The following AGBL4 variants were observed in gnomAD, a reference collection of about 807,000 sequenced individuals.
AGBL4 encodes the protein cytosolic carboxypeptidase 6.
In AGBL4, 58 loss-of-function variants were observed where a neutral mutation model predicts 66.4. The observed-to-expected ratio is 0.87, with a 90% CI of 0.71 to 1.09. The LOEUF (loss-of-function observed/expected upper bound fraction) is 1.09, where lower values mean the gene tolerates loss of function less well. AGBL4 is among the 50% of genes least tolerant of loss of function. The probability of loss-of-function intolerance (pLI) is 0.00; values close to 1 mark genes in which losing one functional copy is unlikely to be tolerated. For synonymous variants in AGBL4, 234 were observed against 222.9 expected (o/e 1.05, Z -0.44); for missense variants, 579 against 631.0 (o/e 0.92, Z 0.88).
At chr1:48,696,337 T>A (rs1477880575) in intron 6 of AGBL4, among the ~76,000 whole-genome samples, 2 of 152,232 alleles carry the variant, frequency 1.3e-5, no homozygotes, top group African/African-American at 4.8e-5. Context: ...AGGATCCACA[T>A]CATCGAGCTG....
rs369978988 is a variant in AGBL4, at chr1:49,705,298, G to A, written c.158-7861C>T. ...TTTTGTATCCTGTGACTTTGCTGAA[G>A]TTATCAGGTTAAGAATATTTTGAGC... On this transcript the variant is annotated intron_variant, in intron 2 of 13. Transcript: ENST00000371839. 1.0e-3 allele frequency among the ~76,000 whole-genome samples: 154 copies of A among 152,252 alleles called. 2 individuals are homozygous for A. In the South Asian group the frequency reaches 0.031, roughly 30 times the overall value.
intron 2 of AGBL4, among the ~76,000 whole-genome samples, chr1:49,778,409 C>T (rs1644252777): frequency 6.6e-6 from 1 of 152,102 alleles, no homozygotes; most frequent in Non-Finnish European, 1.5e-5. Context: ...TAAGGCTGGC[C>T]CAGGATACCT....
intron 7 of AGBL4, among the ~76,000 whole-genome samples, chr1:48,660,793 G>A (rs749858565): frequency 2.0e-5 from 3 of 151,994 alleles, no homozygotes; most frequent in African/African-American, 4.8e-5. Flanking sequence ...CTGAGGCTCC[G>A]CATCCTGATC....
chr1:49,662,419 A>G (rs1420054554), intron 3 of AGBL4, among the ~76,000 whole-genome samples: 3 of 152,106 alleles, frequency 2.0e-5, no homozygotes. Flanking sequence ...GAAGGGAAAC[A>G]TCTTTTAACA....
chr1:49,686,017 T>G (rs1408878804), intron 3 of AGBL4, among the ~76,000 whole-genome samples: 7 of 152,146 alleles, frequency 4.6e-5, no homozygotes, highest in Non-Finnish European at 1.0e-4. Context: ...CATCTAGGAT[T>G]TTTATAGTCT....
chr1:48,898,107 A>T (rs1651715424), intron 5 of AGBL4, among the ~76,000 whole-genome samples: 1 of 151,766 alleles, frequency 6.6e-6, no homozygotes, highest in Admixed American at 6.6e-5. Flanking sequence ...CACCCCACCC[A>T]GACTGCCCAC....
At chr1:49,592,896 C>A (rs1292577900) in intron 3 of AGBL4, among the ~76,000 whole-genome samples, 1 of 152,132 alleles carries the variant, frequency 6.6e-6, no homozygotes, top group East Asian at 1.9e-4. Context: ...AGTATACACC[C>A]AAAGAGATAT....
intron 3 of AGBL4, among the ~76,000 whole-genome samples, chr1:49,411,640 T>C (rs1645317133): frequency 6.6e-6 from 1 of 152,116 alleles, no homozygotes; most frequent in Non-Finnish European, 1.5e-5. Flanking sequence ...GGAATAAAAA[T>C]AGTGAATCAA....
At chr1:48,655,315 CTTTTCTTT>C (rs1443785565) in intron 7 of AGBL4, among the ~76,000 whole-genome samples, 1 of 152,116 alleles carries the variant, frequency 6.6e-6, no homozygotes, top group East Asian at 1.9e-4. Context: ...CTTTTCTTTT[CTTTTCTTT>C]TTTTCTTTTT....
At chr1:49,180,748 T>C (rs1289540840) in intron 4 of AGBL4, among the ~76,000 whole-genome samples, 2 of 152,194 alleles carry the variant, frequency 1.3e-5, no homozygotes, top group Non-Finnish European at 2.9e-5. Flanking sequence ...AGATGCACCA[T>C]ACATCCATAT....
intron 5 of AGBL4, among the ~76,000 whole-genome samples, chr1:49,027,327 AT>A (rs1306754537): frequency 1.3e-5 from 2 of 151,758 alleles, no homozygotes; most frequent in Non-Finnish European, 2.9e-5. Context: ...CACACAGCTA[AT>A]TTTTTTGTAT....
At chr1:49,422,298 T>G (rs1645563075) in intron 3 of AGBL4, among the ~76,000 whole-genome samples, 1 of 152,184 alleles carries the variant, frequency 6.6e-6, no homozygotes, top group African/African-American at 2.4e-5. Context: ...GGAATAAAAG[T>G]GCATCAAACT....
intron 2 of AGBL4, among the ~76,000 whole-genome samples, chr1:49,764,885 A>C (rs566731517): frequency 1.1e-4 from 16 of 152,296 alleles, no homozygotes; most frequent in Admixed American, 9.1e-4. Context: ...CCAGAGACAG[A>C]CTAATGCAGT....
intron 3 of AGBL4, among the ~76,000 whole-genome samples, chr1:49,637,609 G>A (rs1446069437): frequency 2.0e-5 from 3 of 151,932 alleles, no homozygotes; most frequent in Non-Finnish European, 4.4e-5. Context: ...AGCCAGCTAC[G>A]TACTTCTGAA....
intron 4 of AGBL4, among the ~76,000 whole-genome samples, chr1:49,164,415 T>C (rs1193093138): frequency 2.6e-5 from 4 of 152,114 alleles, no homozygotes; most frequent in Non-Finnish European, 5.9e-5. Context: ...TGCTGCTATA[T>C]AAAATGAATG....
At chr1:48,618,811 G>A (rs990585188) in intron 9 of AGBL4, among the ~76,000 whole-genome samples, 1 of 152,088 alleles carries the variant, frequency 6.6e-6, no homozygotes, top group African/African-American at 2.4e-5. Flanking sequence ...TCGAACCAAC[G>A]TTTCTTACAG....
chr1:49,337,525 T>G (rs1425936296), intron 3 of AGBL4, among the ~76,000 whole-genome samples: 3 of 152,134 alleles, frequency 2.0e-5, no homozygotes, highest in African/African-American at 7.2e-5. Context: ...CTTGGAGCAC[T>G]TTGGGGCAGG....
intron 6 of AGBL4, among the ~76,000 whole-genome samples, chr1:48,673,641 T>C (rs74076223): frequency 7.2e-6 from 1 of 138,228 alleles, no homozygotes; most frequent in African/African-American, 3.5e-5. Context: ...TGAATTGTTC[T>C]GGGCTGAGAA....
chr1:49,526,178 A>C (rs1287458629), intron 3 of AGBL4, among the ~76,000 whole-genome samples: 1 of 152,078 alleles, frequency 6.6e-6, no homozygotes, highest in African/African-American at 2.4e-5. Context: ...TGGATGAACA[A>C]ATAGGCTTTT....
Sources: gnomAD v4.1 joint callset for allele counts (sites outside exome capture counted in the v4.1 genomes callset) on GRCh38, gnomAD v4.1.1 for gene constraint, MANE v1.5 for transcripts, NCBI Gene and HGNC (gene_info 2026-07-23, HGNC 2026-07-21) for gene names.